Variants in FAT1 observed in about 807,000 individuals in gnomAD.
FAT1 encodes FAT atypical cadherin 1, also known as protocadherin Fat 1.
A neutral mutation model predicts 329.8 loss-of-function variants in FAT1; 171 were observed. That is an observed-to-expected ratio of 0.52 (90% CI 0.46 to 0.59). The LOEUF (loss-of-function observed/expected upper bound fraction) is 0.59, where lower values mean the gene tolerates loss of function less well. Among genes scored for constraint, FAT1 ranks in the 20% least tolerant of loss-of-function variants. FAT1 has a pLI of 0.00. For synonymous variants in FAT1, 2,233 were observed against 2,228.6 expected (o/e 1.00, Z -0.06); for missense variants, 5,672 against 5,774.4 (o/e 0.98, Z 0.57).
intron 21 of FAT1, 95 bp downstream of exon 21, chr4:186,601,174 A>C: frequency 8.9e-7 from 1 of 1,126,290 alleles, no homozygotes; most frequent in Non-Finnish European, 1.2e-6. Context: ...CATTTCACTT[A>C]CTTTATTATC....
intron 11 of FAT1, among the ~76,000 whole-genome samples, chr4:186,616,067 G>A (rs1739695858): frequency 6.6e-6 from 1 of 152,022 alleles, no homozygotes; most frequent in South Asian, 2.1e-4. Flanking sequence ...CACACCAGAT[G>A]GTCTTCCTCG....
chr4:186,610,154 T>A, intron 14 of FAT1, 139 bp from the exon 15 acceptor site: 1 of 593,988 alleles, frequency 1.7e-6, no homozygotes, highest in Non-Finnish European at 3.0e-6. Context: ...TGTTTCCTAT[T>A]TTCTTAATTC....
chr4:186,641,592 T>C (rs936200390), intron 3 of FAT1, among the ~76,000 whole-genome samples: 1 of 152,142 alleles, frequency 6.6e-6, no homozygotes, highest in Non-Finnish European at 1.5e-5. Flanking sequence ...TGCAGAGCAC[T>C]TAATCACTCA....
intron 9 of FAT1, 119 bp downstream of exon 9, chr4:186,628,035 T>C: frequency 9.0e-7 from 1 of 1,105,376 alleles, no homozygotes; most frequent in Non-Finnish European, 1.3e-6. Flanking sequence ...TAGAGATCAA[T>C]TTAAGCCATT....
intron 7 of FAT1, among the ~76,000 whole-genome samples, chr4:186,631,535 G>C (rs1227433084): frequency 2.0e-5 from 3 of 150,706 alleles, no homozygotes; most frequent in Non-Finnish European, 4.4e-5. Context: ...ATCAATCCCC[G>C]CGGTATGCTA....
At chr4:186,701,825 C>A (rs1744329515) in intron 2 of FAT1, among the ~76,000 whole-genome samples, 1 of 152,248 alleles carries the variant, frequency 6.6e-6, no homozygotes, top group African/African-American at 2.4e-5. Context: ...TTCTGCAGAA[C>A]CAGACAGAAG....
chr4:186,709,468 C>T lies in FAT1; in HGVS notation c.360G>A (p.Val120=), dbSNP rs1744839269. Residue 120 remains valine (V), a synonymous_variant, in exon 2 of 27, where the codon GTG becomes GTA. Transcript: ENST00000441802. ...REVKDHYTLI[V]KALEKNTNVE... is the part of the protein sequence containing the mutation. Reference sequence around the variant, plus strand: ...CATTAGTATTTTTTTCAAGTGCTTTCACTATCAATGTGTAGTGATCCTTCA... The same window carrying T: ...CATTAGTATTTTTTTCAAGTGCTTTTACTATCAATGTGTAGTGATCCTTCA... 6.2e-7 allele frequency: 1 copy of T among 1,613,960 alleles called. No individual in the cohort carries two copies. Among genetic ancestry groups the T allele is most frequent in the Admixed American group, 1.7e-5 (1 of 60,010 alleles).
At chr4:186,677,214 C>G (rs767496090) in intron 2 of FAT1, among the ~76,000 whole-genome samples, 14 of 152,110 alleles carry the variant, frequency 9.2e-5, no homozygotes, top group Non-Finnish European at 7.4e-5. Flanking sequence ...CTTCTAATAC[C>G]CAATTTGTTG....
upstream of FAT1, among the ~76,000 whole-genome samples, chr4:186,724,014 G>C (rs1196066017): frequency 1.3e-5 from 2 of 151,200 alleles, no homozygotes; most frequent in African/African-American, 4.9e-5. This position sits in a 1 kb window ranked among gnomAD's most constrained non-coding sequence, Gnocchi z 5.3. Context: ...CCCAGTCCCT[G>C]CGAACACCAG....
At chr4:186,678,588 G>A (rs989942140) in intron 2 of FAT1, among the ~76,000 whole-genome samples, 1 of 147,676 alleles carries the variant, frequency 6.8e-6, no homozygotes. Flanking sequence ...ATCAATTATT[G>A]TATATTATTG....
intron 3 of FAT1, 88 bp from the exon 4 acceptor site, chr4:186,639,871 G>T: frequency 9.0e-7 from 1 of 1,117,264 alleles, no homozygotes; most frequent in Non-Finnish European, 1.3e-6. Context: ...GGCCAGGTGC[G>T]GTAGCTCATG....
intron 3 of FAT1, among the ~76,000 whole-genome samples, chr4:186,654,635 C>T (rs796075029): frequency 2.6e-5 from 4 of 152,092 alleles, no homozygotes; most frequent in South Asian, 4.1e-4. Context: ...ACAGGTTGGG[C>T]GCAGTGGCTC....
chr4:186,719,798 T>C (rs1299424222), intron 1 of FAT1, among the ~76,000 whole-genome samples: 1 of 152,228 alleles, frequency 6.6e-6, no homozygotes, highest in Non-Finnish European at 1.5e-5. Flanking sequence ...CTCAAAATGG[T>C]TCCCTTTGCA....
chr4:186,628,600 C>A lies in FAT1; in HGVS notation c.4487G>T (p.Ser1496Ile), dbSNP rs1164651435. Residue 1496 changes from serine (S) to isoleucine (I), a missense_variant, in exon 8 of 27, where the codon AGT (serine) becomes ATT (isoleucine). Ser to Ile is a moderately radical substitution (Grantham distance 142, BLOSUM62 -2). Coordinates refer to ENST00000441802, the MANE Select transcript of FAT1 (RefSeq NM_005245.4). ...KNKLIYTLQS[S>I]RDPLSLKKFR... Reference sequence around the variant, plus strand: ...TTTCTTGAGACTCAGTGGATCTCTACTGCTCTGCAGAGTGTAGATTAGTTT... The same window carrying A: ...TTTCTTGAGACTCAGTGGATCTCTAATGCTCTGCAGAGTGTAGATTAGTTT... 1.2e-6 allele frequency: 2 copies of A among 1,613,878 alleles called. No homozygotes were observed. The highest frequency in any genetic ancestry group is 1.3e-5 in the African/African-American group (1 of 74,924).
chr4:186,623,269 C>T (rs1474616808), intron 9 of FAT1, among the ~76,000 whole-genome samples: 2 of 152,216 alleles, frequency 1.3e-5, no homozygotes, highest in Admixed American at 6.5e-5. Flanking sequence ...CACTAATTTC[C>T]GGCCTGTCTG....
chr4:186,654,878 C>T (rs1243032198), intron 3 of FAT1, among the ~76,000 whole-genome samples: 1 of 150,228 alleles, frequency 6.7e-6, no homozygotes, highest in Non-Finnish European at 1.5e-5. Flanking sequence ...CTCTGCACTC[C>T]AGCCTGGACG....
intron 3 of FAT1, among the ~76,000 whole-genome samples, chr4:186,645,966 T>TACACACACACAC (rs1307077094): frequency 7.5e-5 from 6 of 80,520 alleles, no homozygotes; most frequent in South Asian, 4.2e-4. Flanking sequence ...AAAAAAAATA[T>TACACACACACAC]ATACACACAC....
At chr4:186,677,491 GTTTT>G (rs200804199) in intron 2 of FAT1, among the ~76,000 whole-genome samples, 1 of 146,508 alleles carries the variant, frequency 6.8e-6, no homozygotes, top group South Asian at 2.2e-4. Context: ...TAAATTCAGG[GTTTT>G]TTTTTTTAAT....
rs1325572277 is a variant in FAT1 at position 186,707,708 on chromosome 4, T to C, written c.2120A>G (p.His707Arg). The C allele has an allele frequency of 1.9e-6, 3 of 1,613,632 alleles. No individual in the cohort carries two copies. The highest frequency in any genetic ancestry group is 1.7e-5 in the Admixed American group (1 of 59,984). Residue 707 changes from histidine to arginine, a missense_variant, in exon 2 of 27, where the codon CAC becomes CGC. Coordinates refer to ENST00000441802, the MANE Select transcript of FAT1 (RefSeq NM_005245.4). ...CTGCGGTATGTGAGCATTGACAGAG[T>C]GAGAATCGAAGAAAATATCCTCCAC... ...GEVEDIFFDSHSVNAHIPQFR... is the reference protein window; with the variant it reads ...GEVEDIFFDSRSVNAHIPQFR...
Sources: gnomAD v4.1 joint callset for allele counts (sites outside exome capture counted in the v4.1 genomes callset) on GRCh38, gnomAD v4.1.1 for gene constraint, Gnocchi (gnomAD v3.1) non-coding constraint, MANE v1.5 for transcripts, NCBI Gene and HGNC (gene_info 2026-07-23, HGNC 2026-07-21) for gene names.